XRCC6: variants seen among roughly 807,000 people sequenced by gnomAD.
XRCC6 encodes DNA repair protein Ku70.
XRCC6 carries 5 observed loss-of-function variants against 65.7 expected under a neutral mutation model. The observed-to-expected ratio is 0.08, with a 90% CI of 0.04 to 0.16. XRCC6 has a LOEUF of 0.16. XRCC6 is among the 10% of genes least tolerant of loss of function. The pLI is 1.00. For missense variants in XRCC6, 447 were observed against 738.1 expected (o/e 0.61, Z 4.57); for synonymous variants, 270 against 270.6 (o/e 1.00, Z 0.02).
intron 2 of XRCC6, among the ~76,000 whole-genome samples, chr22:41,627,245 T>G (rs1246933345): frequency 6.6e-6 from 1 of 151,804 alleles, no homozygotes; most frequent in African/African-American, 2.4e-5. Context: ...GAAATGTAGG[T>G]TTGGGTGATA....
At chr22:41,645,465 C>G (rs948988723) in intron 6 of XRCC6, among the ~76,000 whole-genome samples, 3 of 151,992 alleles carry the variant, frequency 2.0e-5, no homozygotes, top group East Asian at 1.9e-4. Flanking sequence ...GGAATCACAT[C>G]CTTTCATGGC....
rs374739362 is a variant in XRCC6, at chr22:41,631,703, A to G, written c.195+3473A>G. On this transcript the variant is annotated intron_variant, in intron 3 of 12. Transcript: ENST00000360079. Reference sequence around the variant, plus strand: ...AGACGATGGGCGGCCAGGCAGAGACACTCCTCACTTCCCAGACGGGGTGGC... The same window carrying G: ...AGACGATGGGCGGCCAGGCAGAGACGCTCCTCACTTCCCAGACGGGGTGGC... Among the ~76,000 whole-genome samples the G allele has an allele frequency of 1.6e-3, 185 of 117,876 alleles. 1 individual carries two copies. The highest frequency in any genetic ancestry group is 9.9e-4 in the African/African-American group (30 of 30,174). 77.3% of individuals were successfully genotyped at this position (117,876 alleles called of 152,430 possible). A position where few individuals can be genotyped will look rare whatever the true frequency, so the allele number is the denominator to read the frequency against.
chr22:41,621,836 G>A (rs1333528414), intron 1 of XRCC6, 154 bp from the exon 2 acceptor site: 5 of 652,354 alleles, frequency 7.7e-6, no homozygotes, highest in African/African-American at 1.8e-5. Context: ...GCATTTACAT[G>A]CAGTCCGACT....
intron 11 of XRCC6, among the ~76,000 whole-genome samples, chr22:41,659,502 G>A (rs536667519): frequency 5.8e-4 from 88 of 150,622 alleles, no homozygotes; most frequent in African/African-American, 2.0e-3. Flanking sequence ...CGCTGCGCAC[G>A]GCCTATTTTG....
rs2068123507 is a variant in XRCC6 at position 41,663,894 on chromosome 22, T to C, written c.*79T>C. ...TTGTCCTCAGCCAGTTAAAATGTGT[T>C]TCTCCTGAGCTAGGAAGAGTCTACC... On this transcript the variant is annotated 3_prime_UTR_variant, in exon 13 of 13. Transcript: ENST00000360079. 1.3e-6 allele frequency: 2 copies of C among 1,486,902 alleles called. No individual in the cohort carries two copies. The highest frequency in any genetic ancestry group is 1.8e-6 in the Non-Finnish European group (2 of 1,095,548). 92.1% of individuals were successfully genotyped at this position (1,486,902 alleles called of 1,614,324 possible).
At chr22:41,662,296 C>T (rs951677592) in intron 12 of XRCC6, among the ~76,000 whole-genome samples, 3 of 152,100 alleles carry the variant, frequency 2.0e-5, no homozygotes, top group African/African-American at 4.8e-5. Flanking sequence ...TTTCACATTG[C>T]ATGCCTGTAT....
intron 2 of XRCC6, among the ~76,000 whole-genome samples, chr22:41,622,368 C>A (rs1023126711): frequency 1.3e-5 from 2 of 152,128 alleles, no homozygotes; most frequent in African/African-American, 4.8e-5. Context: ...TTAAGTGGTT[C>A]AGGTGAGACC....
rs200137939 is a variant in XRCC6, at chr22:41,636,477, C to T, written c.335-39C>T. Reference sequence around the variant, plus strand: ...GGTAAAGGCAGCCACTGACATTCTTCTGATTTTTCTTTCCATTTGACTCCC... The same window carrying T: ...GGTAAAGGCAGCCACTGACATTCTTTTGATTTTTCTTTCCATTTGACTCCC... On this transcript the variant is annotated intron_variant, in intron 4 of 12. Transcript: ENST00000360079. 1.2e-4 allele frequency: 200 copies of T among 1,605,520 alleles called. No homozygotes were observed. The Middle Eastern group carries it at 3.0e-3, about 24-fold the overall frequency.
At chr22:41,646,458 T>C (rs2067933154) in intron 6 of XRCC6, among the ~76,000 whole-genome samples, 2 of 152,112 alleles carry the variant, frequency 1.3e-5, no homozygotes, top group African/African-American at 4.8e-5. Flanking sequence ...AATCTGAAAA[T>C]CCAAAATTAG....
At chr22:41,628,965 C>CAAAAAAAAAAAAAAAA (rs11413169) in intron 3 of XRCC6, among the ~76,000 whole-genome samples, 1 of 62,722 alleles carries the variant, frequency 1.6e-5, no homozygotes, top group African/African-American at 6.5e-5. Context: ...GACTCTGTCT[C>CAAAAAAAAAAAAAAAA]AAAAAAAAAA....
chr22:41,650,947 C>T (rs2067988744), intron 8 of XRCC6, 56 bp downstream of exon 8: 2 of 1,597,820 alleles, frequency 1.3e-6, no homozygotes, highest in Non-Finnish European at 1.7e-6. Context: ...GTTTACGGAG[C>T]AGCGCTTTGT....
intron 10 of XRCC6, 130 bp from the exon 11 acceptor site, chr22:41,658,122 C>T: frequency 2.4e-6 from 2 of 825,146 alleles, no homozygotes; most frequent in Non-Finnish European, 3.9e-6. Flanking sequence ...CTGCACCTGA[C>T]CTCAACTGTT....
chr22:41,624,414 C>T (rs1298963532), intron 2 of XRCC6, among the ~76,000 whole-genome samples: 3 of 149,224 alleles, frequency 2.0e-5, no homozygotes, highest in Non-Finnish European at 3.0e-5. Context: ...GGGCCGGGCG[C>T]GGTGGCTCAC....
intron 6 of XRCC6, among the ~76,000 whole-genome samples, chr22:41,643,017 C>T (rs1447109734): frequency 1.3e-5 from 2 of 152,220 alleles, no homozygotes; most frequent in Non-Finnish European, 2.9e-5. Context: ...TATCTTCGAA[C>T]TATACAGACA....
At chr22:41,646,596 A>C (rs981462973) in intron 6 of XRCC6, among the ~76,000 whole-genome samples, 1 of 152,168 alleles carries the variant, frequency 6.6e-6, no homozygotes, top group South Asian at 2.1e-4. Flanking sequence ...ATAAAATGCA[A>C]ATATTCCAAA....
intron 5 of XRCC6, among the ~76,000 whole-genome samples, chr22:41,637,059 T>C (rs2147084251): frequency 6.6e-6 from 1 of 151,304 alleles, no homozygotes. Context: ...AAGGACTCTG[T>C]CAGAACAAGA....
chr22:41,626,631 G>GTTTTTTTTTTTTTTT, intron 2 of XRCC6, among the ~76,000 whole-genome samples: 1 of 111,512 alleles, frequency 9.0e-6, no homozygotes, highest in Non-Finnish European at 2.0e-5. Flanking sequence ...ATGTTTGTTT[G>GTTTTTTTTTTTTTTT]TTTTTTTTTT....
chr22:41,661,308 TC>T, intron 11 of XRCC6, 22 bp from the exon 12 acceptor site: 1 of 1,605,374 alleles, frequency 6.2e-7, no homozygotes, highest in Non-Finnish European at 8.5e-7. Context: ...ACCAGGCCAC[TC>T]TTCTGTGTTT....
intron 4 of XRCC6, 106 bp from the exon 5 acceptor site, chr22:41,636,410 A>C: frequency 1.3e-6 from 2 of 1,511,896 alleles, no homozygotes; most frequent in Middle Eastern, 1.8e-4. Context: ...TAAATGGGTT[A>C]AACAGCTCTG....
Sources: gnomAD v4.1 joint callset for allele counts (sites outside exome capture counted in the v4.1 genomes callset) on GRCh38, gnomAD v4.1.1 for gene constraint, MANE v1.5 for transcripts, NCBI Gene and HGNC (gene_info 2026-07-23, HGNC 2026-07-21) for gene names.